UBE2O: variants seen among roughly 807,000 people sequenced by gnomAD.
UBE2O encodes ubiquitin conjugating enzyme E2 O, also known as (E3-independent) E2 ubiquitin-conjugating enzyme.
In UBE2O, 15 loss-of-function variants were observed where a neutral mutation model predicts 125.8. That is an observed-to-expected ratio of 0.12 (90% confidence interval 0.08 to 0.18). The LOEUF is 0.18. Ranked by LOEUF, UBE2O falls within the 10% of genes least tolerant of loss-of-function variation. The pLI, the probability that UBE2O is intolerant of heterozygous loss-of-function variation, is 1.00. For missense variants in UBE2O, 1,280 were observed against 1,723.6 expected (o/e 0.74, Z 4.56); for synonymous variants, 708 against 703.2 (o/e 1.01, Z -0.11).
chr17:76,411,077 C>T (rs960457735), intron 1 of UBE2O, among the ~76,000 whole-genome samples: 2 of 152,132 alleles, frequency 1.3e-5, no homozygotes, highest in Admixed American at 6.5e-5. Flanking sequence ...TTCACTCTGT[C>T]GCCCAGGCTG....
At chr17:76,447,790 C>A (rs1405338074) in intron 1 of UBE2O, among the ~76,000 whole-genome samples, 1 of 152,158 alleles carries the variant, frequency 6.6e-6, no homozygotes, top group South Asian at 2.1e-4. Flanking sequence ...GCCTCGTGCA[C>A]CTTTTGCTTC....
In UBE2O at chr17:76,391,845, C is replaced by T. The variant is rs1346954235; in HGVS notation, c.3151-32G>A. 1 of 1,613,886 alleles carries T rather than the reference C, an allele frequency of 6.2e-7. No homozygotes were observed. Among genetic ancestry groups the T allele is most frequent in the Non-Finnish European group, 8.5e-7 (1 of 1,179,970 alleles). The stretch of plus-strand genomic sequence containing the variant: ...CACACAGGGCACCATCAATTCTGTT[C>T]CCCAGGCCCCTATCCACCAGTGGCT... On this transcript the variant is annotated intron_variant, in intron 16 of 17. Transcript: ENST00000319380. This position sits in a 1 kb window ranked among gnomAD's most constrained non-coding sequence, Gnocchi z 8.4.
chr17:76,415,795 C>CTGTGTGTGTGTGTGTG (rs34127040), intron 1 of UBE2O, among the ~76,000 whole-genome samples: 33 of 143,200 alleles, frequency 2.3e-4, no homozygotes, highest in African/African-American at 7.5e-4. Flanking sequence ...CAGAGCAAGA[C>CTGTGTGTGTGTGTGTG]TGTGTGTGTG....
chr17:76,408,743 A>G (rs2072465670), intron 1 of UBE2O, among the ~76,000 whole-genome samples: 1 of 152,186 alleles, frequency 6.6e-6, no homozygotes, highest in Non-Finnish European at 1.5e-5. Flanking sequence ...CTGGCAGGTG[A>G]ACACTAGAGG....
Position 76,400,341 on chromosome 17 carries a change from G to A in UBE2O, c.1005-44C>T, listed in dbSNP as rs749896292. On this transcript the variant is annotated intron_variant, in intron 7 of 17. Transcript: ENST00000319380. This position sits in a 1 kb window ranked among gnomAD's most constrained non-coding sequence, Gnocchi z 4.3. ...GGGGTGAGCTGGGCTGGACTCCTGG[G>A]AGGCCAGCAGTGTTCTTAAGCCTCC... 7 of 1,604,486 alleles carry A rather than the reference G, an allele frequency of 4.4e-6. No individual in the cohort carries two copies. Among genetic ancestry groups the A allele is most frequent in the African/African-American group, 2.7e-5 (2 of 74,620 alleles).
At chr17:76,436,222 G>T (rs950736652) in intron 1 of UBE2O, among the ~76,000 whole-genome samples, 1 of 151,992 alleles carries the variant, frequency 6.6e-6, no homozygotes, top group Non-Finnish European at 1.5e-5. Context: ...ACTCCAGCCT[G>T]GGCAACAAGA....
intron 1 of UBE2O, among the ~76,000 whole-genome samples, chr17:76,417,335 C>G (rs2072632863): frequency 6.6e-6 from 1 of 152,240 alleles, no homozygotes; most frequent in African/African-American, 2.4e-5. Flanking sequence ...CAGGGCAGGT[C>G]CCTAGACGAG....
chr17:76,431,828 C>A (rs2072913029), intron 1 of UBE2O, among the ~76,000 whole-genome samples: 1 of 152,034 alleles, frequency 6.6e-6, no homozygotes, highest in African/African-American at 2.4e-5. Flanking sequence ...TTAGAAACTC[C>A]CCCAGACACC....
chr17:76,405,390 ACCCCAGCGCAC>A lies in UBE2O; in HGVS notation c.478-85_478-75del, dbSNP rs1402803160. 2.0e-6 allele frequency: 3 copies of A among 1,493,798 alleles called. No homozygotes were observed. The highest frequency in any genetic ancestry group is 2.3e-5 in the East Asian group (1 of 43,444). The allele number at this position is 1,493,798 out of a possible 1,614,324, so 92.5% of individuals were successfully genotyped here. ...CACCAGGGGAGACCCAGCCCAGGCA[ACCCCAGCGCAC>A]CCCCTGCAGAGCTGGCCAGTTCTCC... On this transcript the variant is annotated intron_variant, in intron 2 of 17. Coordinates refer to ENST00000319380, the MANE Select transcript of UBE2O (RefSeq NM_022066.4). The surrounding 1 kb of genome is among the most constrained non-coding windows in gnomAD (Gnocchi z 6.1).
rs1389760382 is a variant in UBE2O at position 76,404,814 on chromosome 17, C to T, written c.588+392G>A. On this transcript the variant is annotated intron_variant, in intron 3 of 17. Coordinates refer to ENST00000319380, the MANE Select transcript of UBE2O (RefSeq NM_022066.4). The surrounding 1 kb of genome is among the most constrained non-coding windows in gnomAD (Gnocchi z 4.3). ...GAGGGAGGGAAGGTGATGGAGCAAA[C>T]GAAGTGAAATCTTAACAGCTGAGGA... Among the ~76,000 whole-genome samples the T allele has an allele frequency of 2.0e-5, 3 of 151,458 alleles. No homozygotes were observed. The highest frequency in any genetic ancestry group is 1.9e-4 in the East Asian group (1 of 5,180).
At chr17:76,431,941 C>A (rs974745854) in intron 1 of UBE2O, among the ~76,000 whole-genome samples, 11 of 152,208 alleles carry the variant, frequency 7.2e-5, no homozygotes, top group African/African-American at 2.7e-4. Context: ...ACAGTCAGAA[C>A]TGATCCAGGC....
rs2072380449 is a variant in UBE2O, at chr17:76,404,301, A to C, written c.588+905T>G. On this transcript the variant is annotated intron_variant, in intron 3 of 17. Coordinates refer to ENST00000319380, the MANE Select transcript of UBE2O (RefSeq NM_022066.4). The surrounding 1 kb of genome is among the most constrained non-coding windows in gnomAD (Gnocchi z 4.3). Reference sequence around the variant, plus strand: ...GGACACCAACATGACCAGGGGTAAAAGTGAACAACCCCAGCACTTTGGCTA... The same window carrying C: ...GGACACCAACATGACCAGGGGTAAACGTGAACAACCCCAGCACTTTGGCTA... Among the ~76,000 whole-genome samples, 1 of 152,210 alleles carries C rather than the reference A, an allele frequency of 6.6e-6. No individual in the cohort carries two copies. The highest frequency in any genetic ancestry group is 2.1e-4 in the South Asian group (1 of 4,834).
chr17:76,392,846 G>A lies in UBE2O; in HGVS notation c.2947-733C>T, dbSNP rs145318526. Among the ~76,000 whole-genome samples, 993 of 151,428 alleles carry A rather than the reference G, an allele frequency of 6.6e-3. 9 individuals carry two copies. The highest frequency in any genetic ancestry group is 0.022 in the African/African-American group (893 of 41,276). Reference sequence around the variant, plus strand: ...TGCATGCCTGCAGTCCCAGCTACTCGGGAGGCTGAGGTGGGAGAATTGCTT... The same window carrying A: ...TGCATGCCTGCAGTCCCAGCTACTCAGGAGGCTGAGGTGGGAGAATTGCTT... On this transcript the variant is annotated intron_variant, in intron 15 of 17. Coordinates refer to ENST00000319380, the MANE Select transcript of UBE2O (RefSeq NM_022066.4).
In UBE2O at chr17:76,452,922, C is replaced by T. The variant is rs1191881919; in HGVS notation, c.220G>A (p.Val74Met). Residue 74 changes from valine to methionine, a missense_variant, in exon 1 of 18, where the codon GTG (valine) becomes ATG (methionine). This residue lies in a region of UBE2O where 188 missense variants were observed against 192.5 expected (regional missense o/e 0.98). Coordinates refer to ENST00000319380, the MANE Select transcript of UBE2O (RefSeq NM_022066.4). The surrounding 1 kb of genome is among the most constrained non-coding windows in gnomAD (Gnocchi z 4.4). ...DLVSGRYRGSVHFGLVRLIHG... is the reference protein window; with the variant it reads ...DLVSGRYRGSMHFGLVRLIHG... ...ATGAGGCGCACCAGCCCGAAGTGCACGGAGCCACGGTAACGGCCCGACACC... is the reference window on the plus strand; with the variant it reads ...ATGAGGCGCACCAGCCCGAAGTGCATGGAGCCACGGTAACGGCCCGACACC... 2 of 1,497,106 alleles carry T rather than the reference C, an allele frequency of 1.3e-6. No individual in the cohort carries two copies. The highest frequency in any genetic ancestry group is 1.3e-5 in the South Asian group (1 of 78,858). The allele number at this position is 1,497,106 out of a possible 1,614,324, so 92.7% of individuals were successfully genotyped here. A position where few individuals can be genotyped will look rare whatever the true frequency, so the allele number is the denominator to read the frequency against.
chr17:76,415,859 A>G (rs1338802342), intron 1 of UBE2O, among the ~76,000 whole-genome samples: 3 of 151,888 alleles, frequency 2.0e-5, no homozygotes, highest in South Asian at 2.1e-4. Flanking sequence ...ACAAATATAT[A>G]TACATACATG....
intron 1 of UBE2O, among the ~76,000 whole-genome samples, chr17:76,412,682 AC>A (rs1367532157): frequency 6.6e-6 from 1 of 152,164 alleles, no homozygotes; most frequent in Non-Finnish European, 1.5e-5. Context: ...GACAGGGGTC[AC>A]GTGTGTTAGT....
chr17:76,443,861 G>T (rs766611334), intron 1 of UBE2O, among the ~76,000 whole-genome samples: 1 of 152,086 alleles, frequency 6.6e-6, no homozygotes, highest in Non-Finnish European at 1.5e-5. Flanking sequence ...GAAGACAAAA[G>T]GCAAAAAAGA....
chr17:76,419,019 C>T (rs542347862), intron 1 of UBE2O, among the ~76,000 whole-genome samples: 34 of 152,154 alleles, frequency 2.2e-4, no homozygotes, highest in African/African-American at 7.0e-4. Context: ...CACGGTGACT[C>T]GCGCTGTAAT....
In UBE2O at chr17:76,396,117, G is replaced by C; in HGVS notation, c.2809+11C>G. ...CGGGGGAAGGCGAAGACCAGGCAAG[G>C]GCTGACTCACAGGGTGCAAACTCCA... On this transcript the variant is annotated intron_variant, in intron 14 of 17. Transcript: ENST00000319380. The surrounding 1 kb of genome is among the most constrained non-coding windows in gnomAD (Gnocchi z 6.7). The C allele has an allele frequency of 3.7e-6, 6 of 1,610,750 alleles. No homozygotes were observed. Among genetic ancestry groups the C allele is most frequent in the Non-Finnish European group, 5.1e-6 (6 of 1,178,414 alleles).
Sources: gnomAD v4.1 joint callset for allele counts (sites outside exome capture counted in the v4.1 genomes callset) on GRCh38, gnomAD v4.1.1 for gene constraint, gnomAD v4.1.1 regional missense constraint, Gnocchi (gnomAD v3.1) non-coding constraint, MANE v1.5 for transcripts, NCBI Gene and HGNC (gene_info 2026-07-23, HGNC 2026-07-21) for gene names.